GPN1: variants seen among roughly 807,000 people sequenced by gnomAD.
The protein encoded by GPN1 is ATP(GTP)-binding protein.
GPN1 carries 44 observed loss-of-function variants against 55.9 expected under a neutral mutation model. That is an observed-to-expected ratio of 0.79 (90% CI 0.62 to 1.01). The LOEUF is 1.01. Ranked by LOEUF, GPN1 falls within the 50% of genes least tolerant of loss-of-function variation. The probability of loss-of-function intolerance (pLI) is 0.00; values close to 1 mark genes in which losing one functional copy is unlikely to be tolerated. For missense variants in GPN1, 466 were observed against 462.8 expected, an observed-to-expected ratio of 1.01 and a Z score of -0.06; for synonymous variants, 179 against 162.5, an observed-to-expected ratio of 1.10 and a Z score of -0.77.
intron 5 of GPN1, among the ~76,000 whole-genome samples, chr2:27,633,553 G>A (rs1211225877): frequency 6.6e-6 from 1 of 152,140 alleles, no homozygotes; most frequent in African/African-American, 2.4e-5. Context: ...TTGGCTCACT[G>A]CAATCTTTGC....
In GPN1 at chr2:27,629,529, C is replaced by A. The variant is rs900310351; in HGVS notation, c.112-330C>A. ...TGCCAAATATTTCTTGCACGCCTGT[C>A]ATGTTCCATTCACTGGGGATATAGC... is the stretch of plus-strand genomic sequence containing the variant. On this transcript the variant is annotated intron_variant, in intron 1 of 13. Transcript: ENST00000610189. 6 of 863,610 alleles carry A rather than the reference C, an allele frequency of 6.9e-6. No individual in the cohort carries two copies. The African/African-American group carries it at 1.0e-4, about 14-fold the overall frequency. 53.5% of individuals were successfully genotyped at this position (863,610 alleles called of 1,614,324 possible). A position where few individuals can be genotyped will look rare whatever the true frequency, so the allele number is the denominator to read the frequency against.
intron 2 of GPN1, among the ~76,000 whole-genome samples, chr2:27,630,173 G>A (rs1673480608): frequency 6.6e-6 from 1 of 152,044 alleles, no homozygotes; most frequent in South Asian, 2.1e-4. Context: ...TGTAATTCCA[G>A]CTACTCGGGA....
intron 3 of GPN1, chr2:27,631,427 T>C (rs1279415573): frequency 4.8e-6 from 2 of 415,624 alleles, no homozygotes; most frequent in Non-Finnish European, 8.7e-6. Flanking sequence ...TCTTAGTAAA[T>C]TGCTGTATGA....
Position 27,635,206 on chromosome 2 carries a change from T to G in GPN1, c.496T>G (p.Phe166Val), listed in dbSNP as rs1223392210. The part of the protein sequence containing the change: ...DTSRSTNPVT[F>V]MSNMLYACSI... ...ATCGAGAAGTACCAACCCAGTGACC[T>G]TCATGTCCAACATGCTCTATGCCTG... The change falls in exon 7 of 14, where the codon TTC becomes GTC. Residue 166 changes from phenylalanine to valine, a missense_variant. Coordinates refer to ENST00000610189, the MANE Select transcript of GPN1 (RefSeq NM_007266.4). 6.3e-7 allele frequency: 1 copy of G among 1,596,218 alleles called. No homozygotes were observed. The highest frequency in any genetic ancestry group is 1.7e-5 in the Admixed American group (1 of 59,836).
intron 10 of GPN1, 126 bp downstream of exon 10, chr2:27,640,251 G>T: frequency 1.4e-6 from 1 of 728,180 alleles, no homozygotes. Flanking sequence ...TTGCATATGT[G>T]TATTGAATCA....
In GPN1 at chr2:27,650,179, C is replaced by G; in HGVS notation, c.1104C>G (p.Tyr368Ter). Residue 368 changes from tyrosine (Y) to a stop codon, truncating the protein, a stop_gained, in exon 14 of 14, where the codon TAC (tyrosine) becomes TAG (stop). Transcript: ENST00000610189. LOFTEE classifies it high-confidence loss of function. Reference protein sequence around the residue: ...QNFMQESMAQYWKRNNK With the variant: ...QNFMQESMAQ ...TTATGCAAGAATCGATGGCACAATACTGGAAGAGAAACAATAAATAGGAGA... is the reference window on the plus strand; with the variant it reads ...TTATGCAAGAATCGATGGCACAATAGTGGAAGAGAAACAATAAATAGGAGA... 1 of 1,598,218 alleles carries G rather than the reference C, an allele frequency of 6.3e-7. No individual in the cohort carries two copies. Among genetic ancestry groups the G allele is most frequent in the Non-Finnish European group, 8.6e-7 (1 of 1,165,654 alleles).
At chr2:27,648,710 A>C (rs1163592371) in intron 13 of GPN1, among the ~76,000 whole-genome samples, 3 of 152,160 alleles carry the variant, frequency 2.0e-5, no homozygotes, top group Non-Finnish European at 4.4e-5. Flanking sequence ...ATCTCAGCTG[A>C]CTGCAACCGC....
intron 12 of GPN1, among the ~76,000 whole-genome samples, chr2:27,646,243 T>C (rs376979557): frequency 2.5e-4 from 38 of 152,272 alleles, no homozygotes; most frequent in African/African-American, 8.9e-4. Context: ...GGTTTTGCCA[T>C]GTTGGCCAGG....
intron 12 of GPN1, 39 bp from the exon 13 acceptor site, chr2:27,647,797 T>G: frequency 8.4e-7 from 1 of 1,191,114 alleles, no homozygotes; most frequent in Non-Finnish European, 1.3e-6. Flanking sequence ...AGATCACCTT[T>G]TTGAGGAGGC....
intron 11 of GPN1, 36 bp from the exon 12 acceptor site, chr2:27,642,393 T>G: frequency 7.4e-7 from 1 of 1,345,998 alleles, no homozygotes; most frequent in Non-Finnish European, 1.1e-6. Context: ...TGGGACTCCT[T>G]TTTGAATATG....
intron 7 of GPN1, among the ~76,000 whole-genome samples, chr2:27,637,483 T>G (rs1673775040): frequency 1.3e-5 from 2 of 152,176 alleles, no homozygotes; most frequent in Non-Finnish European, 1.5e-5. Flanking sequence ...TAATTTTTAT[T>G]TGTCAACTAT....
intron 3 of GPN1, 68 bp from the exon 4 acceptor site, chr2:27,631,766 A>C: frequency 1.1e-6 from 1 of 907,866 alleles, no homozygotes; most frequent in Non-Finnish European, 1.9e-6. Context: ...GTTTGTGTGA[A>C]TGATAGCCTA....
At chr2:27,631,130 C>T in intron 3 of GPN1, 64 bp downstream of exon 3, 1 of 856,242 alleles carries the variant, frequency 1.2e-6, no homozygotes, top group Non-Finnish European at 2.0e-6. Context: ...TATTTTGTGG[C>T]TTGAAAGAGT....
intron 7 of GPN1, among the ~76,000 whole-genome samples, chr2:27,635,822 G>A (rs1476917703): frequency 6.6e-6 from 1 of 152,190 alleles, no homozygotes; most frequent in Non-Finnish European, 1.5e-5. Context: ...CAACGAGAGA[G>A]AGAGAGAAGA....
chr2:27,637,281 T>G (rs1015044284), intron 7 of GPN1, among the ~76,000 whole-genome samples: 2 of 152,178 alleles, frequency 1.3e-5, no homozygotes, highest in African/African-American at 4.8e-5. Context: ...TTAAGTGAAG[T>G]AGATCGTCAT....
chr2:27,631,940 A>G (rs768655192), intron 4 of GPN1, 40 bp downstream of exon 4: 12 of 1,100,928 alleles, frequency 1.1e-5, no homozygotes, highest in Admixed American at 5.1e-5. Context: ...TTGTGTAAAA[A>G]TCTGTGACTC....
intron 12 of GPN1, among the ~76,000 whole-genome samples, chr2:27,646,104 C>T (rs1019117991): frequency 6.6e-5 from 10 of 150,384 alleles, no homozygotes; most frequent in Non-Finnish European, 1.5e-4. Context: ...TGCAATGGCG[C>T]GATCTCGGCT....
In GPN1 at chr2:27,641,248, G is replaced by A. The variant is rs776562382; in HGVS notation, c.809G>A (p.Arg270His). 2.5e-6 allele frequency: 4 copies of A among 1,606,328 alleles called. No homozygotes were observed. Among genetic ancestry groups the A allele is most frequent in the South Asian group, 2.2e-5 (2 of 90,800 alleles). ...SAAEEYEREY[R>H]PEYERLKKSL... is the part of the protein sequence containing the mutation. ...AGTGTTTCTCTTTACAGGGAGTATCGTCCTGAATATGAACGTCTGAAAAAA... is the reference window on the plus strand; with the variant it reads ...AGTGTTTCTCTTTACAGGGAGTATCATCCTGAATATGAACGTCTGAAAAAA... The change falls in exon 11 of 14, where the codon CGT becomes CAT. Residue 270 changes from arginine (R) to histidine (H), a missense_variant. Arg to His is a conservative substitution (Grantham distance 29). Transcript: ENST00000610189.
In GPN1 at chr2:27,643,566, C is replaced by T. The variant is rs1353925555; in HGVS notation, c.931+1047C>T. Among the ~76,000 whole-genome samples the T allele has an allele frequency of 3.3e-5, 5 of 152,246 alleles. 1 individual carries two copies. Among genetic ancestry groups the T allele is most frequent in the Admixed American group, 2.0e-4 (3 of 15,302 alleles). ...AGATGTAGCCATTTCCCCATGATAGCAGGAGAAAATCTGGATGTGCATTGT... is the reference window on the plus strand; with the variant it reads ...AGATGTAGCCATTTCCCCATGATAGTAGGAGAAAATCTGGATGTGCATTGT... On this transcript the variant is annotated intron_variant, in intron 12 of 13. Transcript: ENST00000610189. The surrounding 1 kb of genome is among the most constrained non-coding windows in gnomAD (Gnocchi z 4.0).
Sources: gnomAD v4.1 joint callset for allele counts (sites outside exome capture counted in the v4.1 genomes callset) on GRCh38, gnomAD v4.1.1 for gene constraint, Gnocchi (gnomAD v3.1) non-coding constraint, MANE v1.5 for transcripts, NCBI Gene and HGNC (gene_info 2026-07-23, HGNC 2026-07-21) for gene names.